The following DHRS3 variants were observed in gnomAD, a reference collection of about 807,000 sequenced individuals.
DHRS3 encodes short-chain dehydrogenase/reductase 3.
A neutral mutation model predicts 27.2 loss-of-function variants in DHRS3; 14 were observed. That is an observed-to-expected ratio of 0.52 (90% CI 0.34 to 0.81). The LOEUF (loss-of-function observed/expected upper bound fraction) is 0.81. DHRS3 is among the 30% of genes least tolerant of loss of function. The pLI is 0.01. For missense variants in DHRS3, 322 were observed against 406.2 expected (o/e 0.79, Z 1.78); for synonymous variants, 165 against 175.9 (o/e 0.94, Z 0.49).
At chr1:12,582,622 C>T (rs887851021) in intron 1 of DHRS3, among the ~76,000 whole-genome samples, 1 of 152,130 alleles carries the variant, frequency 6.6e-6, no homozygotes, top group Non-Finnish European at 1.5e-5. Flanking sequence ...AACATTTGTT[C>T]CAGGCAGGCA....
At chr1:12,583,143 C>T (rs1646659251) in intron 1 of DHRS3, among the ~76,000 whole-genome samples, 1 of 149,322 alleles carries the variant, frequency 6.7e-6, no homozygotes, top group Non-Finnish European at 1.5e-5. Flanking sequence ...TACCCTACTC[C>T]ATCCATCCAC....
intron 1 of DHRS3, among the ~76,000 whole-genome samples, chr1:12,606,703 G>A (rs1296795789): frequency 1.3e-5 from 2 of 151,628 alleles, no homozygotes; most frequent in Non-Finnish European, 2.9e-5. Flanking sequence ...CTCCATGTTG[G>A]TCAGGCTGGT....
chr1:12,580,400 G>T, intron 2 of DHRS3, 123 bp downstream of exon 2: 6 of 1,391,792 alleles, frequency 4.3e-6, no homozygotes, highest in Non-Finnish European at 6.0e-6. Context: ...CCCCAAAGGT[G>T]CCCCGGGCAA....
At chr1:12,607,310 C>T (rs995329177) in intron 1 of DHRS3, among the ~76,000 whole-genome samples, 1 of 152,194 alleles carries the variant, frequency 6.6e-6, no homozygotes, top group Non-Finnish European at 1.5e-5. Context: ...AGCATTGTGT[C>T]CCCACCCAAA....
intron 1 of DHRS3, among the ~76,000 whole-genome samples, chr1:12,607,394 G>T (rs1021541820): frequency 6.6e-6 from 1 of 152,182 alleles, no homozygotes; most frequent in African/African-American, 2.4e-5. Context: ...TTGGATCATG[G>T]GAGTAGTTTC....
At chr1:12,573,674 A>G (rs542196681) in intron 4 of DHRS3, among the ~76,000 whole-genome samples, 3 of 152,358 alleles carry the variant, frequency 2.0e-5, no homozygotes, top group East Asian at 1.9e-4. Context: ...TCATTGATTC[A>G]AAGATTTGCA....
rs554914351 is a variant in DHRS3, at chr1:12,604,179, T to A, written c.195+12975A>T. Among the ~76,000 whole-genome samples the A allele has an allele frequency of 2.0e-5, 3 of 152,296 alleles. No homozygotes were observed. The South Asian group carries it at 6.2e-4, about 32-fold the overall frequency. On this transcript the variant is annotated intron_variant, in intron 1 of 5. Transcript: ENST00000616661. ...TCCTGCAACCCCCTCAGTTGCCACC[T>A]CCTTCGAGAAGTCTTCTAAGATTTC...
intron 1 of DHRS3, among the ~76,000 whole-genome samples, chr1:12,595,508 TGGGAAGGGGCG>T (rs1162099519): frequency 2.2e-4 from 1 of 4,586 alleles, no homozygotes; most frequent in Non-Finnish European, 4.1e-4. Flanking sequence ...GGAAAGGGGA[TGGGAAGGGGCG>T]GGAGATAGAT....
intron 1 of DHRS3, among the ~76,000 whole-genome samples, chr1:12,614,959 C>G (rs1341417954): frequency 2.6e-5 from 4 of 152,170 alleles, no homozygotes; most frequent in African/African-American, 9.7e-5. Context: ...CACCCCCAAG[C>G]CCACTGTTCA....
In DHRS3 at chr1:12,586,349, C is replaced by T. The variant is rs567560413; in HGVS notation, c.196-5683G>A. 1.2e-4 allele frequency among the ~76,000 whole-genome samples: 18 copies of T among 152,322 alleles called. No homozygotes were observed. The highest frequency in any genetic ancestry group is 6.2e-4 in the South Asian group (3 of 4,828). On this transcript the variant is annotated intron_variant, in intron 1 of 5. Transcript: ENST00000616661. The surrounding 1 kb of genome is among the most constrained non-coding windows in gnomAD (Gnocchi z 5.0). Reference sequence around the variant, plus strand: ...CCTAAGCCCCCAGGCACGGTGGGGTCGTCTGAGCTTTGAGGGTTCCACTCT... The same window carrying T: ...CCTAAGCCCCCAGGCACGGTGGGGTTGTCTGAGCTTTGAGGGTTCCACTCT...
chr1:12,604,335 T>C (rs1192485873), intron 1 of DHRS3, among the ~76,000 whole-genome samples: 2 of 152,314 alleles, frequency 1.3e-5, no homozygotes, highest in Non-Finnish European at 2.9e-5. Context: ...ACACTGGTTG[T>C]CAAATGAAAG....
At position 12,617,205 on chromosome 1, in the gene DHRS3, T is replaced by G. The variant is rs1251988844; in HGVS notation, c.144A>C (p.Arg48Ser). Residue 48 changes from arginine to serine, a missense_variant, in exon 1 of 6, where the codon AGA (arginine) becomes AGC (serine). Coordinates refer to ENST00000616661, the MANE Select transcript of DHRS3 (RefSeq NM_004753.7). Reference sequence around the variant, plus strand: ...CGCGGGCGAGCTGACGCCCGATGCCTCTCCCGCCGCCGGTGATGAGGACGT... The same window carrying G: ...CGCGGGCGAGCTGACGCCCGATGCCGCTCCCGCCGCCGGTGATGAGGACGT... ...RENVLITGGG[R>S]GIGRQLAREF... 1.9e-6 allele frequency: 3 copies of G among 1,613,296 alleles called. No individual in the cohort carries two copies. Among genetic ancestry groups the G allele is most frequent in the Non-Finnish European group, 2.5e-6 (3 of 1,179,888 alleles).
Position 12,610,596 on chromosome 1 carries a change from G to A in DHRS3, c.195+6558C>T, listed in dbSNP as rs569721164. Reference sequence around the variant, plus strand: ...CAACCATTCATTCATTTGCTAACCCGGCACTTTCTTGTTGAGAATCTAGGC... The same window carrying A: ...CAACCATTCATTCATTTGCTAACCCAGCACTTTCTTGTTGAGAATCTAGGC... On this transcript the variant is annotated intron_variant, in intron 1 of 5. Transcript: ENST00000616661. Among the ~76,000 whole-genome samples the A allele has an allele frequency of 5.3e-5, 8 of 152,192 alleles. No individual in the cohort carries two copies. The East Asian group carries it at 7.7e-4, about 15-fold the overall frequency.
Position 12,578,701 on chromosome 1 carries a change from G to T in DHRS3, c.698+17C>A, listed in dbSNP as rs528731793. ...GGTGAGAAGGCTGGTCTCAAGGTGGGTCCCCTGCTCACTGACCTGACTCTC... is the reference window on the plus strand; with the variant it reads ...GGTGAGAAGGCTGGTCTCAAGGTGGTTCCCCTGCTCACTGACCTGACTCTC... On this transcript the variant is annotated intron_variant, in intron 4 of 5. Transcript: ENST00000616661. This position sits in a 1 kb window ranked among gnomAD's most constrained non-coding sequence, Gnocchi z 4.5. 1.9e-6 allele frequency: 3 copies of T among 1,602,866 alleles called. No individual in the cohort carries two copies. In the African/African-American group the frequency reaches 4.0e-5, roughly 21 times the overall value.
At chr1:12,579,124 TCA>T in intron 3 of DHRS3, 167 bp downstream of exon 3, 1 of 1,325,066 alleles carries the variant, frequency 7.5e-7, no homozygotes, top group Non-Finnish European at 1.0e-6. Context: ...CGAGCATATT[TCA>T]CAAAGTCTGA....
At chr1:12,580,404 C>G (rs752257026) in intron 2 of DHRS3, 119 bp downstream of exon 2, 1 of 1,461,294 alleles carries the variant, frequency 6.8e-7, no homozygotes. Flanking sequence ...AAAGGTGCCC[C>G]GGGCAAAGCC....
At position 12,591,224 on chromosome 1, in the gene DHRS3, G is replaced by A. The variant is rs955977605; in HGVS notation, c.196-10558C>T. ...ACAGGTGCCCCACGGCTGACCCCAGGAGGTCAGAGGTGACAGAAGCCACTG... is the reference window on the plus strand; with the variant it reads ...ACAGGTGCCCCACGGCTGACCCCAGAAGGTCAGAGGTGACAGAAGCCACTG... On this transcript the variant is annotated intron_variant, in intron 1 of 5. Transcript: ENST00000616661. This position sits in a 1 kb window ranked among gnomAD's most constrained non-coding sequence, Gnocchi z 4.1. Among the ~76,000 whole-genome samples, 3 of 152,224 alleles carry A rather than the reference G, an allele frequency of 2.0e-5. No homozygotes were observed. Among genetic ancestry groups the A allele is most frequent in the African/African-American group, 7.2e-5 (3 of 41,464 alleles).
intron 1 of DHRS3, chr1:12,600,318 G>A (rs1646826701): frequency 1.0e-6 from 1 of 983,622 alleles, no homozygotes; most frequent in Non-Finnish European, 1.2e-6. Context: ...GGCTGAGGAG[G>A]TGTGAGCCCT....
At chr1:12,583,289 C>T (rs1350553914) in intron 1 of DHRS3, among the ~76,000 whole-genome samples, 1 of 149,738 alleles carries the variant, frequency 6.7e-6, no homozygotes, top group African/African-American at 2.5e-5. Context: ...TTACCCCATT[C>T]CATTAGTCTA....
Sources: gnomAD v4.1 joint callset for allele counts (sites outside exome capture counted in the v4.1 genomes callset) on GRCh38, gnomAD v4.1.1 for gene constraint, Gnocchi (gnomAD v3.1) non-coding constraint, MANE v1.5 for transcripts, NCBI Gene and HGNC (gene_info 2026-07-23, HGNC 2026-07-21) for gene names.